GLDC: variants seen among roughly 807,000 people sequenced by gnomAD.
GLDC encodes the protein glycine dehydrogenase (decarboxylating), mitochondrial.
A neutral mutation model predicts 121.3 loss-of-function variants in GLDC; 104 were observed. That is an observed-to-expected ratio of 0.86 (90% confidence interval 0.73 to 1.01). GLDC has a LOEUF of 1.01. Among genes scored for constraint, GLDC ranks in the 50% least tolerant of loss-of-function variants. GLDC has a pLI of 0.00. For synonymous variants in GLDC, 546 were observed against 480.6 expected (o/e 1.14, Z -1.78); for missense variants, 1,429 against 1,306.6 (o/e 1.09, Z -1.44).
chr9:6,547,703 C>A (rs1817425826), intron 21 of GLDC, among the ~76,000 whole-genome samples: 1 of 152,010 alleles, frequency 6.6e-6, no homozygotes, highest in African/African-American at 2.4e-5. Context: ...TAAATGCAAA[C>A]AAAGGGAAGA....
At chr9:6,594,803 A>AAAACAAAG (rs1554647167) in intron 9 of GLDC, among the ~76,000 whole-genome samples, 1 of 149,910 alleles carries the variant, frequency 6.7e-6, no homozygotes, top group Non-Finnish European at 1.5e-5. Context: ...AAAAGGAAAT[A>AAAACAAAG]AAAGAAAGAA....
At chr9:6,543,385 A>G (rs571144710) in intron 21 of GLDC, among the ~76,000 whole-genome samples, 1 of 152,130 alleles carries the variant, frequency 6.6e-6, no homozygotes, top group Non-Finnish European at 1.5e-5. Context: ...GGAGAGACAC[A>G]GTGGGGGAGG....
chr9:6,604,595 C>T lies in GLDC; in HGVS notation c.1051G>A (p.Val351Ile). The change falls in exon 7 of 25, where the codon GTA becomes ATA. Residue 351 changes from valine (V) to isoleucine (I), a missense_variant. Coordinates refer to ENST00000321612, the MANE Select transcript of GLDC (RefSeq NM_000170.3). ...AAACATGAGCCCCTTTACCTTGTTA[C>T]CCCCACCATTCTTCCAGGCATCATT... Reference protein sequence around the residue: ...VRMMPGRMVGVTRDATGKEVY... With the variant: ...VRMMPGRMVGITRDATGKEVY... 3 of 1,611,602 alleles carry T rather than the reference C, an allele frequency of 1.9e-6. No individual in the cohort carries two copies. The highest frequency in any genetic ancestry group is 2.5e-6 in the Non-Finnish European group (3 of 1,179,254).
At position 6,536,237 on chromosome 9, in the gene GLDC, C is replaced by T. The variant is rs1429861000; in HGVS notation, c.2666-1G>A. 1.2e-6 allele frequency: 2 copies of T among 1,613,100 alleles called. No individual in the cohort carries two copies. The highest frequency in any genetic ancestry group is 4.5e-5 in the East Asian group (2 of 44,826). On this transcript the variant is annotated splice_acceptor_variant, in intron 22 of 24. Coordinates refer to ENST00000321612, the MANE Select transcript of GLDC (RefSeq NM_000170.3). LOFTEE classifies it high-confidence loss of function. Reference sequence around the variant, plus strand: ...CAGGACATGGTAGGGGCGTGAAATCCTGCAAAGGGAGACAGGAGAACTTGC... The same window carrying T: ...CAGGACATGGTAGGGGCGTGAAATCTTGCAAAGGGAGACAGGAGAACTTGC...
At position 6,604,676 on chromosome 9, in the gene GLDC, G is replaced by C. The variant is rs778504810; in HGVS notation, c.970C>G (p.Leu324Val). Residue 324 changes from leucine to valine, a missense_variant, in exon 7 of 25, where the codon CTG becomes GTG. Transcript: ENST00000321612. ...GCTGCATGGGGTCCCCCATAGCCCA[G>C]TGGCACTCCAAATCTCTGGGAGCTG... ...LGSSQRFGVP[L>V]GYGGPHAAFF... is the part of the protein sequence containing the mutation. The C allele has an allele frequency of 6.2e-7, 1 of 1,614,130 alleles. No individual in the cohort carries two copies. The highest frequency in any genetic ancestry group is 1.1e-5 in the South Asian group (1 of 91,078).
At position 6,592,900 on chromosome 9, in the gene GLDC, C is replaced by A. The variant is rs765688819; in HGVS notation, c.1352G>T (p.Gly451Val). Residue 451 changes from glycine (G) to valine (V), a missense_variant, in exon 10 of 25, where the codon GGC becomes GTC. Gly to Val is a moderately radical substitution (Grantham distance 109). Coordinates refer to ENST00000321612, the MANE Select transcript of GLDC (RefSeq NM_000170.3). ...ATTGATCTGCCGCTGAGCGGCCCTG[C>A]CCAAGACCTCCTTCACTGAGCAGCC... ...QCGCSVKEVL[G>V]RAAQRQINFR... 1 of 1,614,062 alleles carries A rather than the reference C, an allele frequency of 6.2e-7. No homozygotes were observed. Among genetic ancestry groups the A allele is most frequent in the Admixed American group, 1.7e-5 (1 of 60,030 alleles).
chr9:6,553,505 T>C lies in GLDC; in HGVS notation c.2320A>G (p.Lys774Glu). The change falls in exon 20 of 25, where the codon AAA (lysine) becomes GAA (glutamate). Residue 774 changes from lysine to glutamate, a missense_variant. Physicochemically the swap from Lys to Glu is moderately conservative, Grantham distance 56 (BLOSUM62 1). Coordinates refer to ENST00000321612, the MANE Select transcript of GLDC (RefSeq NM_000170.3). ...TTGGGCAAAAACGGGGCGAGATGTT[T>C]CTTCCTGTATTTTTTTTAAGTGCAA... ...GPGMGPIGVKKHLAPFLPNHP... is the reference protein window; with the variant it reads ...GPGMGPIGVKEHLAPFLPNHP... 1 of 1,605,016 alleles carries C rather than the reference T, an allele frequency of 6.2e-7. No individual in the cohort carries two copies. The highest frequency in any genetic ancestry group is 2.2e-5 in the East Asian group (1 of 44,708).
At chr9:6,643,258 C>G (rs1004919812) in intron 2 of GLDC, among the ~76,000 whole-genome samples, 2 of 151,738 alleles carry the variant, frequency 1.3e-5, no homozygotes, top group African/African-American at 4.8e-5. Flanking sequence ...CCCTAAATCT[C>G]AATTAGTTCA....
rs764170083 is a variant in GLDC, at chr9:6,592,184, G to C, written c.1441C>G (p.Leu481Val). Residue 481 changes from leucine (L) to valine (V), a missense_variant, in exon 11 of 25, where the codon CTG (leucine) becomes GTG (valine). Transcript: ENST00000321612. ...CCAAAGATCCACAACAAATCGTCCA[G>C]ATCTTTTTCATTGACTGTTTCATCA... ...SLDETVNEKD[L>V]DDLLWIFGCE... is the part of the protein sequence containing the mutation. The C allele has an allele frequency of 1.2e-5, 20 of 1,608,918 alleles. 2 individuals carry two copies. The South Asian group carries it at 2.1e-4, about 17-fold the overall frequency.
chr9:6,573,959 GT>G (rs1818013956), intron 15 of GLDC, among the ~76,000 whole-genome samples: 1 of 152,134 alleles, frequency 6.6e-6, no homozygotes, highest in Non-Finnish European at 1.5e-5. Flanking sequence ...CATGTCTCAA[GT>G]ACCCTAACGT....
At chr9:6,536,471 T>C (rs1259216432) in intron 22 of GLDC, among the ~76,000 whole-genome samples, 1 of 152,178 alleles carries the variant, frequency 6.6e-6, no homozygotes, top group Non-Finnish European at 1.5e-5. Flanking sequence ...ACCTATATGG[T>C]AAATAGACAA....
rs190067894 is a variant in GLDC, at chr9:6,595,251, T to C, written c.1156-132A>G. 1.7e-5 allele frequency: 13 copies of C among 752,514 alleles called. No homozygotes were observed. In the East Asian group the frequency reaches 3.0e-4, roughly 18 times the overall value. 46.6% of individuals were successfully genotyped at this position (752,514 alleles called of 1,614,324 possible). ...TGATCAGATTTCCTACATTCTTTGA[T>C]AGTTGGGGACAATTAATATATAACC... is the stretch of plus-strand genomic sequence containing the variant. On this transcript the variant is annotated intron_variant, in intron 8 of 24. Transcript: ENST00000321612.
intron 15 of GLDC, among the ~76,000 whole-genome samples, chr9:6,572,708 T>C (rs957254338): frequency 6.6e-6 from 1 of 152,236 alleles, no homozygotes; most frequent in Non-Finnish European, 1.5e-5. Context: ...TTTTCTTCTC[T>C]GCTGCCAGCC....
At chr9:6,605,713 C>T (rs1563857309) in intron 5 of GLDC, among the ~76,000 whole-genome samples, 1 of 152,174 alleles carries the variant, frequency 6.6e-6, no homozygotes, top group Non-Finnish European at 1.5e-5. Context: ...TCAGAAACCC[C>T]CCCTCTGAAG....
intron 18 of GLDC, among the ~76,000 whole-genome samples, chr9:6,555,200 C>T (rs1817597733): frequency 6.6e-6 from 1 of 152,140 alleles, no homozygotes; most frequent in South Asian, 2.1e-4. Context: ...ATGCACGTTA[C>T]CGAACGGCCC....
At chr9:6,560,256 G>A (rs143169774) in intron 16 of GLDC, among the ~76,000 whole-genome samples, 131 of 152,270 alleles carry the variant, frequency 8.6e-4, no homozygotes, top group Middle Eastern at 3.4e-3. Flanking sequence ...GGGCATTATT[G>A]AAAATAGGCT....
chr9:6,604,858 C>T, intron 6 of GLDC, 74 bp from the exon 7 acceptor site: 1 of 1,231,152 alleles, frequency 8.1e-7, no homozygotes, highest in South Asian at 1.2e-5. Flanking sequence ...AGGAAATTAT[C>T]TTAACTACAG....
chr9:6,620,987 G>T lies in GLDC; in HGVS notation c.335-668C>A, dbSNP rs550769863. On this transcript the variant is annotated intron_variant, in intron 2 of 24. Coordinates refer to ENST00000321612, the MANE Select transcript of GLDC (RefSeq NM_000170.3). Reference sequence around the variant, plus strand: ...GTTCAAGACAAGCCTGGGCAAGGCGGTGAAACCCCGTCTCTACCAAAAAAG... The same window carrying T: ...GTTCAAGACAAGCCTGGGCAAGGCGTTGAAACCCCGTCTCTACCAAAAAAG... 2.0e-5 allele frequency among the ~76,000 whole-genome samples: 3 copies of T among 152,280 alleles called. No homozygotes were observed. In the East Asian group the frequency reaches 5.8e-4, roughly 29 times the overall value.
intron 15 of GLDC, chr9:6,565,877 C>G (rs750180168): frequency 3.5e-6 from 1 of 285,676 alleles, no homozygotes; most frequent in Non-Finnish European, 6.6e-6. Context: ...TATTTTGAAG[C>G]AAACTTCAAA....
Sources: gnomAD v4.1 joint callset for allele counts (sites outside exome capture counted in the v4.1 genomes callset) on GRCh38, gnomAD v4.1.1 for gene constraint, MANE v1.5 for transcripts, NCBI Gene and HGNC (gene_info 2026-07-23, HGNC 2026-07-21) for gene names.